CADM2: variants seen among roughly 807,000 people sequenced by gnomAD.
CADM2 encodes the protein cell adhesion molecule 2, also known as immunoglobulin superfamily member 4D.
CADM2 carries 12 observed loss-of-function variants against 49.8 expected under a neutral mutation model. The ratio of observed to expected loss-of-function variants is 0.24; its 90% CI spans 0.15 to 0.39. CADM2 has a LOEUF of 0.39. Ranked by LOEUF, CADM2 falls within the 10% of genes least tolerant of loss-of-function variation. The pLI is 1.00. For missense variants in CADM2, 378 were observed against 492.3 expected (o/e 0.77, Z 2.20); for synonymous variants, 214 against 175.4 (o/e 1.22, Z -1.74).
At chr3:85,222,139 G>T (rs1002583411) in intron 1 of CADM2, among the ~76,000 whole-genome samples, 1 of 152,084 alleles carries the variant, frequency 6.6e-6, no homozygotes, top group Admixed American at 6.6e-5. Context: ...TGGTTTGAAG[G>T]CTGGTTTGGT....
chr3:85,662,063 T>A (rs942807593), intron 1 of CADM2, among the ~76,000 whole-genome samples: 4 of 152,034 alleles, frequency 2.6e-5, no homozygotes, highest in Non-Finnish European at 4.4e-5. Flanking sequence ...TACAAGAATA[T>A]GTATTCTATA....
rs1227890094 is a variant in CADM2, at chr3:85,321,091, C to CATATATATAT, written c.61+361440_61+361449dup. Among the ~76,000 whole-genome samples the CATATATATAT allele has an allele frequency of 5.8e-3, 373 of 64,740 alleles. 6 individuals carry two copies. The highest frequency in any genetic ancestry group is 9.2e-3 in the East Asian group (18 of 1,948). The allele number at this position is 64,740 out of a possible 152,430, so 42.5% of individuals were successfully genotyped here. ...TAAATGTACTCATAATAGATATATA[C>CATATATATAT]ATATATATATATATATATATATATA... is the stretch of plus-strand genomic sequence containing the variant. On this transcript the variant is annotated intron_variant, in intron 1 of 9. Transcript: ENST00000383699.
intron 1 of CADM2, among the ~76,000 whole-genome samples, chr3:85,357,662 A>G (rs1035119135): frequency 1.3e-5 from 1 of 76,082 alleles, no homozygotes; most frequent in Non-Finnish European, 2.8e-5. Context: ...ATTCATCTTT[A>G]TCATACTACC....
intron 6 of CADM2, among the ~76,000 whole-genome samples, chr3:85,919,301 C>A (rs929045273): frequency 2.0e-5 from 3 of 151,800 alleles, no homozygotes; most frequent in African/African-American, 7.3e-5. Flanking sequence ...CTGTTTAAAG[C>A]AATAAATAGT....
intron 1 of CADM2, among the ~76,000 whole-genome samples, chr3:85,408,071 A>T (rs12487446): frequency 6.9e-6 from 1 of 145,970 alleles, no homozygotes. Context: ...CAATAATTTT[A>T]TTTAAAAAAT....
chr3:85,976,110 GTATAT>G (rs1726743817), intron 8 of CADM2, among the ~76,000 whole-genome samples: 1 of 151,548 alleles, frequency 6.6e-6, no homozygotes, highest in Non-Finnish European at 1.5e-5. Flanking sequence ...ATGTGTGCAT[GTATAT>G]AATTTCTCTG....
At chr3:85,763,394 T>C (rs1577252024) in intron 2 of CADM2, among the ~76,000 whole-genome samples, 1 of 152,194 alleles carries the variant, frequency 6.6e-6, no homozygotes, top group East Asian at 1.9e-4. Context: ...TTTACTGATA[T>C]ATTCAGAATG....
intron 2 of CADM2, among the ~76,000 whole-genome samples, chr3:85,746,499 G>A (rs1211837682): frequency 6.6e-6 from 1 of 151,978 alleles, no homozygotes; most frequent in African/African-American, 2.4e-5. Flanking sequence ...TCAACAAAAT[G>A]GTATTTTGTG....
At chr3:85,466,014 G>A (rs147488598) in intron 1 of CADM2, among the ~76,000 whole-genome samples, 156 of 152,254 alleles carry the variant, frequency 1.0e-3, no homozygotes, top group Non-Finnish European at 1.8e-3. Context: ...ATCTTCCACT[G>A]AACTATCTTA....
chr3:85,256,749 C>T (rs1054973575), intron 1 of CADM2, among the ~76,000 whole-genome samples: 4 of 152,004 alleles, frequency 2.6e-5, no homozygotes, highest in Non-Finnish European at 5.9e-5. Context: ...TAGCGCACAC[C>T]GTCCATTCTG....
At chr3:85,449,061 T>TAATAATAATAATAAA (rs2037621065) in intron 1 of CADM2, among the ~76,000 whole-genome samples, 1 of 147,352 alleles carries the variant, frequency 6.8e-6, no homozygotes, top group Non-Finnish European at 1.5e-5. Flanking sequence ...AAAATAATAA[T>TAATAATAATAATAAA]AATAATAATA....
rs957629318 is a variant in CADM2 at position 86,070,249 on chromosome 3, T to C, written c.*3466T>C. 5 of 151,958 alleles carry C rather than the reference T, an allele frequency of 3.3e-5. No homozygotes were observed. Among genetic ancestry groups the C allele is most frequent in the Non-Finnish European group, 5.9e-5 (4 of 67,882 alleles). The allele number at this position is 151,958 out of a possible 1,614,324, so 9.4% of individuals were successfully genotyped here. On this transcript the variant is annotated 3_prime_UTR_variant, in exon 10 of 10. Transcript: ENST00000383699. ...ATTTCTTTGTAAAAATATAAATATCTCAATCAAAAGTACAGGCTCATTTGT... is the reference window on the plus strand; with the variant it reads ...ATTTCTTTGTAAAAATATAAATATCCCAATCAAAAGTACAGGCTCATTTGT...
chr3:85,773,330 A>C (rs1166160455), intron 2 of CADM2, among the ~76,000 whole-genome samples: 1 of 151,946 alleles, frequency 6.6e-6, no homozygotes, highest in Non-Finnish European at 1.5e-5. Flanking sequence ...GAAGAGTAAG[A>C]TGGGCAATGC....
chr3:85,516,941 T>C (rs529429872), intron 1 of CADM2, among the ~76,000 whole-genome samples: 1 of 151,902 alleles, frequency 6.6e-6, no homozygotes, highest in South Asian at 2.1e-4. Flanking sequence ...CCTTAATTTT[T>C]CCAACTGATC....
chr3:85,394,384 A>C (rs1283009227), intron 1 of CADM2, among the ~76,000 whole-genome samples: 1 of 152,186 alleles, frequency 6.6e-6, no homozygotes. Flanking sequence ...ATGAAAACTT[A>C]TGCATTATAT....
chr3:86,066,832 A>G lies in CADM2; in HGVS notation c.*49A>G. 1 of 1,263,392 alleles carries G rather than the reference A, an allele frequency of 7.9e-7. No homozygotes were observed. The highest frequency in any genetic ancestry group is 1.2e-6 in the Non-Finnish European group (1 of 862,392). The allele number at this position is 1,263,392 out of a possible 1,614,324, so 78.3% of individuals were successfully genotyped here. On this transcript the variant is annotated 3_prime_UTR_variant, in exon 10 of 10. Coordinates refer to ENST00000383699, the MANE Select transcript of CADM2 (RefSeq NM_001167675.2). ...TTACTACCAGGCTGAATGCTGGAGA[A>G]AACTGGCTATCATCTTTCAGAAGTC...
At chr3:85,782,565 A>C (rs1375324817) in intron 2 of CADM2, among the ~76,000 whole-genome samples, 1 of 151,646 alleles carries the variant, frequency 6.6e-6, no homozygotes, top group African/African-American at 2.4e-5. Flanking sequence ...CTGAGGCAGG[A>C]GAATCGCTTG....
intron 1 of CADM2, among the ~76,000 whole-genome samples, chr3:85,401,752 C>A (rs2035121347): frequency 6.6e-6 from 1 of 152,052 alleles, no homozygotes; most frequent in Admixed American, 6.6e-5. Flanking sequence ...AAGAGGGGAC[C>A]TTTACCACCA....
intron 3 of CADM2, among the ~76,000 whole-genome samples, chr3:85,832,973 T>C (rs1464003426): frequency 2.0e-5 from 3 of 151,872 alleles, no homozygotes; most frequent in Admixed American, 2.0e-4. Context: ...TTTTGAGGTA[T>C]TTTTCTTCAG....
Sources: allele counts gnomAD v4.1 joint callset (sites outside exome capture counted in the v4.1 genomes callset), GRCh38; gene constraint gnomAD v4.1.1; transcripts MANE v1.5; gene names NCBI Gene and HGNC (gene_info 2026-07-23, HGNC 2026-07-21).